NALCN: variants seen among roughly 807,000 people sequenced by gnomAD.
NALCN encodes the protein sodium leak channel NALCN.
NALCN carries 111 observed loss-of-function variants against 225.3 expected under a neutral mutation model. The observed-to-expected ratio is 0.49, with a 90% CI of 0.42 to 0.58. The LOEUF (loss-of-function observed/expected upper bound fraction) is 0.58. NALCN is among the 20% of genes least tolerant of loss of function. NALCN has a pLI of 0.00. For synonymous variants in NALCN, 764 were observed against 769.0 expected (o/e 0.99, Z 0.11); for missense variants, 1,378 against 2,202.4 (o/e 0.63, Z 7.49).
chr13:101,246,350 A>G (rs1256384792), intron 11 of NALCN, among the ~76,000 whole-genome samples: 2 of 152,178 alleles, frequency 1.3e-5, no homozygotes, highest in Non-Finnish European at 2.9e-5. Context: ...ATATCATGAG[A>G]AAAAAATGCA....
At position 101,063,959 on chromosome 13, in the gene NALCN, G is replaced by A. The variant is rs73552975; in HGVS notation, c.4604+1445C>T. On this transcript the variant is annotated intron_variant, in intron 40 of 43. Transcript: ENST00000251127. ...TTAAATGCACGGAATGAAATACACC[G>A]TATTACAAAGGAAACCAATTATATT... Among the ~76,000 whole-genome samples the A allele has an allele frequency of 9.4e-3, 1,431 of 152,162 alleles. 28 individuals carry two copies. The highest frequency in any genetic ancestry group is 0.032 in the African/African-American group (1,316 of 41,502).
At chr13:101,251,600 GAA>G (rs2042065279) in intron 11 of NALCN, among the ~76,000 whole-genome samples, 1 of 151,906 alleles carries the variant, frequency 6.6e-6, no homozygotes, top group South Asian at 2.1e-4. Context: ...GGAAATAAAA[GAA>G]AGTCACAGAT....
At chr13:101,083,869 A>G (rs2033793893) in intron 30 of NALCN, 65 bp from the exon 31 acceptor site, 1 of 1,486,906 alleles carries the variant, frequency 6.7e-7, no homozygotes, top group Non-Finnish European at 9.2e-7. Flanking sequence ...AACATGGCAG[A>G]TGGGGTGCCG....
chr13:101,257,125 AT>A (rs1319913300), intron 11 of NALCN, among the ~76,000 whole-genome samples: 1 of 144,484 alleles, frequency 6.9e-6, no homozygotes, highest in Non-Finnish European at 1.5e-5. Context: ...AATTATACCT[AT>A]TTTTCAGAGG....
At chr13:101,085,800 C>A (rs1248532497) in intron 30 of NALCN, among the ~76,000 whole-genome samples, 1 of 152,108 alleles carries the variant, frequency 6.6e-6, no homozygotes, top group African/African-American at 2.4e-5. Context: ...ATATTGAAGT[C>A]TTTAATTCAT....
chr13:101,385,239 T>C (rs1397805254), intron 3 of NALCN, among the ~76,000 whole-genome samples: 1 of 152,152 alleles, frequency 6.6e-6, no homozygotes, highest in Non-Finnish European at 1.5e-5. Context: ...ATTCCTTTTC[T>C]TTCTCCGTGA....
intron 9 of NALCN, 99 bp downstream of exon 9, chr13:101,291,891 A>C: frequency 8.6e-7 from 1 of 1,165,202 alleles, no homozygotes; most frequent in South Asian, 1.3e-5. Context: ...CAGACTATAG[A>C]AGCCCATCAT....
At chr13:101,073,809 T>G in intron 36 of NALCN, 132 bp from the exon 37 acceptor site, 1 of 644,378 alleles carries the variant, frequency 1.6e-6, no homozygotes, top group South Asian at 2.1e-5. Flanking sequence ...TTCCAAAGGT[T>G]ATACCTTTTT....
chr13:101,220,777 T>C (rs1377872041), intron 13 of NALCN, among the ~76,000 whole-genome samples: 1 of 152,228 alleles, frequency 6.6e-6, no homozygotes, highest in Non-Finnish European at 1.5e-5. Flanking sequence ...AAGTCAGGAA[T>C]GGATCTAAAA....
At chr13:101,405,995 A>G (rs1219947369) in intron 1 of NALCN, among the ~76,000 whole-genome samples, 1 of 152,024 alleles carries the variant, frequency 6.6e-6, no homozygotes. Flanking sequence ...TTGAGGGGTT[A>G]TTATGTGCCA....
At chr13:101,322,244 T>TGTGCAAATCAACTG (rs1446437684) in intron 7 of NALCN, among the ~76,000 whole-genome samples, 7 of 152,198 alleles carry the variant, frequency 4.6e-5, no homozygotes, top group Admixed American at 4.6e-4. Flanking sequence ...TGGTGTGCAA[T>TGTGCAAATCAACTG]GTGCAAATCA....
intron 18 of NALCN, chr13:101,117,033 T>C (rs1390344123): frequency 2.0e-6 from 1 of 490,334 alleles, no homozygotes; most frequent in Admixed American, 2.1e-5. Flanking sequence ...GCTGCATTTT[T>C]ATCCTAGTGG....
intron 11 of NALCN, among the ~76,000 whole-genome samples, chr13:101,240,871 T>TA (rs1163818564): frequency 6.6e-6 from 1 of 152,218 alleles, no homozygotes; most frequent in Non-Finnish European, 1.5e-5. Flanking sequence ...AAACTCTAGA[T>TA]GATAATGCTA....
chr13:101,165,897 T>C (rs1241609951), intron 15 of NALCN, among the ~76,000 whole-genome samples: 2 of 152,254 alleles, frequency 1.3e-5, no homozygotes, highest in African/African-American at 4.8e-5. Flanking sequence ...TGAACAACAA[T>C]GGGTTTACTC....
In NALCN at chr13:101,089,260, T is replaced by A. The variant is rs2034093711; in HGVS notation, c.3489+403A>T. 6.6e-6 allele frequency among the ~76,000 whole-genome samples: 1 copy of A among 152,150 alleles called. No individual in the cohort carries two copies. Among genetic ancestry groups the A allele is most frequent in the African/African-American group, 2.4e-5 (1 of 41,438 alleles). On this transcript the variant is annotated intron_variant, in intron 30 of 43. Coordinates refer to ENST00000251127, the MANE Select transcript of NALCN (RefSeq NM_052867.4). This position sits in a 1 kb window ranked among gnomAD's most constrained non-coding sequence, Gnocchi z 4.7. ...TTCTACCAGACTCCCCTCACCCCCA[T>A]CAAAATCCTGAGTTCACCTACTGAG...
chr13:101,104,823 CGTT>C lies in NALCN; in HGVS notation c.2636+68_2636+70del. 5.7e-6 allele frequency: 9 copies of C among 1,567,130 alleles called. No homozygotes were observed. Among genetic ancestry groups the C allele is most frequent in the South Asian group, 1.1e-5 (1 of 89,090 alleles). ...CAAGAAAATAAAAGAGAATTTTAAT[CGTT>C]GTATGCAGCATAAAATAGTACATGA... On this transcript the variant is annotated intron_variant, in intron 23 of 43. Coordinates refer to ENST00000251127, the MANE Select transcript of NALCN (RefSeq NM_052867.4). This position sits in a 1 kb window ranked among gnomAD's most constrained non-coding sequence, Gnocchi z 4.2.
At chr13:101,273,534 A>C (rs570339607) in intron 10 of NALCN, among the ~76,000 whole-genome samples, 2 of 152,310 alleles carry the variant, frequency 1.3e-5, no homozygotes, top group African/African-American at 2.4e-5. Flanking sequence ...AATATTTTAG[A>C]TTTGTCTTTA....
In NALCN at chr13:101,395,170, T is replaced by C. The variant is rs780245933; in HGVS notation, c.291+13A>G. Reference sequence around the variant, plus strand: ...ATTTAGGTTCTTAGTTTAAATGACATGGAAGTGCTCACCTTGACAATGCCC... The same window carrying C: ...ATTTAGGTTCTTAGTTTAAATGACACGGAAGTGCTCACCTTGACAATGCCC... On this transcript the variant is annotated intron_variant, in intron 3 of 43. Coordinates refer to ENST00000251127, the MANE Select transcript of NALCN (RefSeq NM_052867.4). 6.2e-7 allele frequency: 1 copy of C among 1,607,426 alleles called. No homozygotes were observed. Among genetic ancestry groups the C allele is most frequent in the African/African-American group, 1.3e-5 (1 of 74,804 alleles).
chr13:101,327,000 T>C (rs950521650), intron 7 of NALCN, among the ~76,000 whole-genome samples: 2 of 152,020 alleles, frequency 1.3e-5, no homozygotes, highest in Non-Finnish European at 2.9e-5. Flanking sequence ...GGACCTTAGT[T>C]CCAAAACTTG....
Sources: gnomAD v4.1 joint callset for allele counts (sites outside exome capture counted in the v4.1 genomes callset) on GRCh38, gnomAD v4.1.1 for gene constraint, Gnocchi (gnomAD v3.1) non-coding constraint, MANE v1.5 for transcripts, NCBI Gene and HGNC (gene_info 2026-07-23, HGNC 2026-07-21) for gene names.